C9: variants seen among roughly 807,000 people sequenced by gnomAD.
C9 encodes complement component C9.
C9 carries 63 observed loss-of-function variants against 65.4 expected under a neutral mutation model. The observed-to-expected ratio is 0.96, with a 90% CI of 0.79 to 1.19. The LOEUF is 1.19. Among genes scored for constraint, C9 ranks in the 50% most tolerant of loss-of-function variants. The pLI is 0.00. For synonymous variants in C9, 229 were observed against 227.9 expected, an observed-to-expected ratio of 1.00 and a Z score of -0.04; for missense variants, 744 against 670.1, an observed-to-expected ratio of 1.11 and a Z score of -1.22.
intron 10 of C9, among the ~76,000 whole-genome samples, chr5:39,286,091 A>G (rs1579833194): frequency 6.6e-6 from 1 of 152,110 alleles, no homozygotes; most frequent in African/African-American, 2.4e-5. Flanking sequence ...AGATAATTTT[A>G]TATTGGGGAA....
intron 9 of C9, among the ~76,000 whole-genome samples, chr5:39,306,133 A>C (rs1753370309): frequency 6.8e-6 from 1 of 147,040 alleles, no homozygotes; most frequent in African/African-American, 2.5e-5. Context: ...ACTGCACTCC[A>C]GCCTGGGTGA....
At position 39,344,113 on chromosome 5, in the gene C9, C is replaced by T. The variant is rs532808143; in HGVS notation, c.78-1917G>A. On this transcript the variant is annotated intron_variant, in intron 1 of 10. Transcript: ENST00000263408. The stretch of plus-strand genomic sequence containing the variant: ...AAGCTGAAAATTCTAAAAATCAGAG[C>T]ACCTCTCCCCCTCCAAAGGAACACA... 2.6e-5 allele frequency among the ~76,000 whole-genome samples: 4 copies of T among 152,272 alleles called. No homozygotes were observed. The South Asian group carries it at 8.3e-4, about 32-fold the overall frequency.
chr5:39,306,919 T>G lies in C9; in HGVS notation c.1241-127A>C, dbSNP rs1753391814. ...AATACAGCCTAATGTATTTATTAAA[T>G]TTTAATTGTAAATATTGCTTATGCA... is the stretch of plus-strand genomic sequence containing the variant. On this transcript the variant is annotated intron_variant, in intron 8 of 10. Coordinates refer to ENST00000263408, the MANE Select transcript of C9 (RefSeq NM_001737.5). The G allele has an allele frequency of 1.1e-5, 7 of 653,270 alleles. No homozygotes were observed. The South Asian group carries it at 1.3e-4, about 12-fold the overall frequency. The allele number at this position is 653,270 out of a possible 1,614,324, so 40.5% of individuals were successfully genotyped here. A position where few individuals can be genotyped will look rare whatever the true frequency, so the allele number is the denominator to read the frequency against.
At chr5:39,287,004 G>A (rs995630322) in intron 10 of C9, among the ~76,000 whole-genome samples, 1 of 151,864 alleles carries the variant, frequency 6.6e-6, no homozygotes, top group African/African-American at 2.4e-5. Context: ...AACTGTATTT[G>A]TTCAAACAAT....
chr5:39,359,102 G>GTGTGTGTATATATA (rs1407613505), intron 1 of C9, among the ~76,000 whole-genome samples: 101 of 103,662 alleles, frequency 9.7e-4, no homozygotes, highest in Admixed American at 1.4e-3. Context: ...GTGTGTGTGT[G>GTGTGTGTATATATA]TATATATATA....
intron 4 of C9, among the ~76,000 whole-genome samples, chr5:39,335,390 A>G (rs1020452912): frequency 2.0e-5 from 3 of 152,224 alleles, no homozygotes. Flanking sequence ...AAACTAGGCC[A>G]AGGAAGAATA....
At position 39,284,856 on chromosome 5, in the gene C9, G is replaced by A. The variant is rs899624898; in HGVS notation, c.*343C>T. On this transcript the variant is annotated 3_prime_UTR_variant, in exon 11 of 11. Transcript: ENST00000263408. ...TGGCAGAATATGTTAACCATACAAA[G>A]CCGTTTGAAAATTACTTTGAAGTTT... is the stretch of plus-strand genomic sequence containing the variant. 6.0e-5 allele frequency: 19 copies of A among 316,854 alleles called. No homozygotes were observed. Among genetic ancestry groups the A allele is most frequent in the African/African-American group, 4.1e-4 (19 of 46,308 alleles). The allele number at this position is 316,854 out of a possible 1,614,324, so 19.6% of individuals were successfully genotyped here.
intron 1 of C9, among the ~76,000 whole-genome samples, chr5:39,362,131 G>T (rs978978809): frequency 9.9e-5 from 15 of 152,122 alleles, no homozygotes; most frequent in African/African-American, 3.1e-4. Flanking sequence ...GAGTTGAATT[G>T]TGCCTGCCCG....
At chr5:39,346,062 A>G (rs1429701850) in intron 1 of C9, among the ~76,000 whole-genome samples, 1 of 152,240 alleles carries the variant, frequency 6.6e-6, no homozygotes, top group African/African-American at 2.4e-5. Context: ...CCCACAAGAG[A>G]AAGCAGGAAA....
rs778317040 is a variant in C9 at position 39,342,189 on chromosome 5, G to C, written c.85C>G (p.Pro29Ala). Residue 29 changes from proline (P) to alanine (A), a missense_variant, in exon 2 of 11, where the codon CCA (proline) becomes GCA (alanine). Physicochemically the swap from Pro to Ala is conservative, Grantham distance 27 (BLOSUM62 -1). Coordinates refer to ENST00000263408, the MANE Select transcript of C9 (RefSeq NM_001737.5). ...GAGCCACTGCTTTCTGTTAGCTCTG[G>C]GTCATAACTAAGATAACAGAACATC... The part of the protein sequence containing the change: ...LTAQYTTSYD[P>A]ELTESSGSAS... 2.5e-6 allele frequency: 4 copies of C among 1,569,654 alleles called. 1 individual carries two copies. The Admixed American group carries it at 5.0e-5, about 20-fold the overall frequency.
chr5:39,358,880 G>A (rs1754458787), intron 1 of C9, among the ~76,000 whole-genome samples: 1 of 151,370 alleles, frequency 6.6e-6, no homozygotes. Context: ...AGCTACTAGG[G>A]AGGCTGAGAC....
intron 10 of C9, among the ~76,000 whole-genome samples, chr5:39,285,849 A>G (rs1276368262): frequency 6.6e-6 from 1 of 152,054 alleles, no homozygotes; most frequent in Non-Finnish European, 1.5e-5. Flanking sequence ...GAAGCATTTC[A>G]AGCTAAGTAA....
chr5:39,288,730 A>G lies in C9; in HGVS notation c.1638T>C (p.Ile546=), dbSNP rs1753035552. The stretch of plus-strand genomic sequence containing the variant: ...CAAATAAATTGTCCTCACCTTCAGA[A>G]ATTTTTTGTTTACTGATTTCACAGG... ...GIACEISKQK[I]SEGLPALEFP... Residue 546 remains isoleucine (I), a synonymous_variant, in exon 10 of 11, where the codon ATT becomes ATC. Coordinates refer to ENST00000263408, the MANE Select transcript of C9 (RefSeq NM_001737.5). 2 of 1,600,278 alleles carry G rather than the reference A, an allele frequency of 1.2e-6. No individual in the cohort carries two copies. The highest frequency in any genetic ancestry group is 2.2e-5 in the South Asian group (2 of 90,818).
At chr5:39,334,158 G>A (rs78061753) in intron 4 of C9, among the ~76,000 whole-genome samples, 41,351 of 148,550 alleles carry the variant, frequency 0.28, 6,752 homozygotes, top group Non-Finnish European at 0.37. Context: ...ATCCCACCTA[G>A]GAAGTGAGGA....
chr5:39,296,845 C>T (rs1753193421), intron 9 of C9, among the ~76,000 whole-genome samples: 2 of 151,118 alleles, frequency 1.3e-5, no homozygotes, highest in African/African-American at 4.8e-5. Context: ...GAAAGCTAAA[C>T]ACCGCATGTT....
rs747558580 is a variant in C9 at position 39,311,306 on chromosome 5, CACA to C, written c.939_941del (p.Val314del). ...TATCATCCACAAAAGTTGTTGTGAG[CACA>C]ACATCGCGATTTCTCATTACAAATC... On this transcript the variant is annotated inframe_deletion, in exon 7 of 11. Coordinates refer to ENST00000263408, the MANE Select transcript of C9 (RefSeq NM_001737.5). 17 of 1,612,988 alleles carry C rather than the reference CACA, an allele frequency of 1.1e-5. No individual in the cohort carries two copies. The highest frequency in any genetic ancestry group is 5.3e-5 in the African/African-American group (4 of 74,880).
intron 8 of C9, among the ~76,000 whole-genome samples, chr5:39,307,955 T>C (rs1236645188): frequency 6.6e-6 from 1 of 152,214 alleles, no homozygotes; most frequent in Non-Finnish European, 1.5e-5. Context: ...GATACTTTTT[T>C]ACTATTGCCA....
At chr5:39,290,160 A>C (rs990114270) in intron 9 of C9, among the ~76,000 whole-genome samples, 1 of 151,908 alleles carries the variant, frequency 6.6e-6, no homozygotes, top group Non-Finnish European at 1.5e-5. Context: ...GAAGTTGGGA[A>C]GATGTTGTTC....
chr5:39,329,687 T>A (rs1753810136), intron 5 of C9, among the ~76,000 whole-genome samples: 1 of 152,038 alleles, frequency 6.6e-6, no homozygotes, highest in Admixed American at 6.6e-5. Flanking sequence ...AAGGCAAGAG[T>A]TAAAAAATTA....
Sources: allele counts gnomAD v4.1 joint callset (sites outside exome capture counted in the v4.1 genomes callset), GRCh38; gene constraint gnomAD v4.1.1; transcripts MANE v1.5; gene names NCBI Gene and HGNC (gene_info 2026-07-23, HGNC 2026-07-21).